NCBP1: variants seen among roughly 807,000 people sequenced by gnomAD.
The protein encoded by NCBP1 is nuclear cap binding protein subunit 1.
In NCBP1, 16 loss-of-function variants were observed where a neutral mutation model predicts 111.7. The observed-to-expected ratio is 0.14, with a 90% CI of 0.10 to 0.22. NCBP1 has a LOEUF of 0.22. NCBP1 is among the 10% of genes least tolerant of loss of function. The pLI is 1.00. For synonymous variants in NCBP1, 304 were observed against 314.3 expected (o/e 0.97, Z 0.35); for missense variants, 607 against 957.5 (o/e 0.63, Z 4.83).
intron 20 of NCBP1, 143 bp downstream of exon 20, chr9:97,667,020 A>T (rs1828025078): frequency 1.7e-6 from 1 of 595,598 alleles, no homozygotes; most frequent in Admixed American, 3.5e-5. Flanking sequence ...AGCCCAATTT[A>T]ATGCAGAAGC....
intron 6 of NCBP1, among the ~76,000 whole-genome samples, chr9:97,646,859 AAAAG>A (rs1219096952): frequency 6.7e-6 from 1 of 148,714 alleles, no homozygotes; most frequent in Non-Finnish European, 1.5e-5. Context: ...AAAAAAAAAA[AAAAG>A]AATCGTGTGT....
intron 16 of NCBP1, among the ~76,000 whole-genome samples, chr9:97,661,498 T>C (rs1409402551): frequency 2.0e-5 from 3 of 152,152 alleles, no homozygotes; most frequent in African/African-American, 7.2e-5. Context: ...AGTGGGAAAA[T>C]TGACAAAATA....
At chr9:97,668,672 AACC>A (rs1236043139) in intron 20 of NCBP1, among the ~76,000 whole-genome samples, 171 bp from the exon 21 acceptor site, 7 of 152,114 alleles carry the variant, frequency 4.6e-5, no homozygotes, top group Non-Finnish European at 7.3e-5. Context: ...AGTGTCTCTG[AACC>A]ACAACAGGAC....
intron 4 of NCBP1, among the ~76,000 whole-genome samples, chr9:97,643,969 C>A (rs1827268991): frequency 6.6e-6 from 1 of 152,104 alleles, no homozygotes; most frequent in African/African-American, 2.4e-5. Flanking sequence ...GTTAAAAAAA[C>A]CTTAGTTCCT....
At chr9:97,670,440 T>C (rs1381687208) in intron 22 of NCBP1, among the ~76,000 whole-genome samples, 1 of 152,218 alleles carries the variant, frequency 6.6e-6, no homozygotes, top group African/African-American at 2.4e-5. Flanking sequence ...GTTAAAGGTA[T>C]ATAGGAGAGT....
At chr9:97,637,075 G>A (rs1827062875) in intron 1 of NCBP1, among the ~76,000 whole-genome samples, 1 of 152,146 alleles carries the variant, frequency 6.6e-6, no homozygotes, top group Non-Finnish European at 1.5e-5. Context: ...TGCTGGAGCA[G>A]AGTGAGTGAG....
chr9:97,670,363 C>T (rs1457250948), intron 22 of NCBP1, among the ~76,000 whole-genome samples: 2 of 152,304 alleles, frequency 1.3e-5, no homozygotes, highest in East Asian at 3.9e-4. Context: ...TCCACAGAAT[C>T]AAGGTAAGCT....
At position 97,650,618 on chromosome 9, in the gene NCBP1, G is replaced by A; in HGVS notation, c.995+18G>A. 6.3e-7 allele frequency: 1 copy of A among 1,599,918 alleles called. No homozygotes were observed. The highest frequency in any genetic ancestry group is 8.6e-7 in the Non-Finnish European group (1 of 1,168,960). ...AAGACTTGGTAAGATTCTTTTCATG[G>A]TACTTTTAGAAGGGAGAGAAGCAGC... is the stretch of plus-strand genomic sequence containing the variant. On this transcript the variant is annotated intron_variant, in intron 9 of 22. Coordinates refer to ENST00000375147, the MANE Select transcript of NCBP1 (RefSeq NM_002486.5).
At chr9:97,653,321 G>A (rs1458482698) in intron 10 of NCBP1, among the ~76,000 whole-genome samples, 4 of 151,942 alleles carry the variant, frequency 2.6e-5, no homozygotes, top group South Asian at 2.1e-4. Context: ...GAGTTTCACC[G>A]TGTTGGCCAG....
intron 20 of NCBP1, 151 bp from the exon 21 acceptor site, chr9:97,668,695 T>G: frequency 1.4e-6 from 1 of 739,178 alleles, no homozygotes; most frequent in Non-Finnish European, 2.1e-6. Context: ...CTTTGAGGTA[T>G]ATATGTGTGG....
chr9:97,642,616 G>A (rs760900824), intron 3 of NCBP1, among the ~76,000 whole-genome samples: 5 of 152,006 alleles, frequency 3.3e-5, no homozygotes, highest in Non-Finnish European at 5.9e-5. Flanking sequence ...CAACTGAGAC[G>A]TAAACAAATC....
chr9:97,659,421 G>C (rs950940132), intron 15 of NCBP1, among the ~76,000 whole-genome samples: 2 of 152,082 alleles, frequency 1.3e-5, no homozygotes, highest in Non-Finnish European at 2.9e-5. Context: ...TTCATACTGT[G>C]TGCCTGTTTC....
chr9:97,670,524 G>A (rs933170768), intron 22 of NCBP1, among the ~76,000 whole-genome samples: 5 of 151,130 alleles, frequency 3.3e-5, no homozygotes, highest in African/African-American at 1.2e-4. Flanking sequence ...AATGATTAAT[G>A]TAGAAGTCAC....
rs1243217757 is a variant in NCBP1 at position 97,671,257 on chromosome 9, T to G, written c.*58T>G. The G allele has an allele frequency of 1.6e-6, 2 of 1,277,534 alleles. No homozygotes were observed. The highest frequency in any genetic ancestry group is 2.3e-5 in the East Asian group (1 of 42,728). The allele number at this position is 1,277,534 out of a possible 1,614,324, so 79.1% of individuals were successfully genotyped here. A position where few individuals can be genotyped will look rare whatever the true frequency, so the allele number is the denominator to read the frequency against. ...TGATATCTTAAAATAATTTGTCTTATTTTTTGATGGTTTGAATGCTTGCTT... is the reference window on the plus strand; with the variant it reads ...TGATATCTTAAAATAATTTGTCTTAGTTTTTGATGGTTTGAATGCTTGCTT... On this transcript the variant is annotated 3_prime_UTR_variant, in exon 23 of 23. Transcript: ENST00000375147.
At chr9:97,667,120 G>C (rs1452859085) in intron 20 of NCBP1, among the ~76,000 whole-genome samples, 1 of 152,160 alleles carries the variant, frequency 6.6e-6, no homozygotes, top group Non-Finnish European at 1.5e-5. Flanking sequence ...ACTTCCCATA[G>C]TTCACTATCT....
At chr9:97,650,471 C>T (rs764465459) in intron 8 of NCBP1, 32 bp from the exon 9 acceptor site, 41 of 1,490,532 alleles carry the variant, frequency 2.8e-5, no homozygotes, top group Non-Finnish European at 3.8e-5. Flanking sequence ...GTTTTCTAGG[C>T]CTGTAGTGTA....
In NCBP1 at chr9:97,664,429, T is replaced by C. The variant is rs757095261; in HGVS notation, c.1887T>C (p.Ser629=). 1.1e-5 allele frequency: 17 copies of C among 1,604,552 alleles called. No individual in the cohort carries two copies. The highest frequency in any genetic ancestry group is 1.4e-5 in the Non-Finnish European group (16 of 1,171,516). ...VANWIFSSEL[S]RDFTRLFVWE... ...ATTGGATCTTCTCTTCAGAACTATC[T>C]CGTGACTTTACCAGGTAATATAAAT... is the stretch of plus-strand genomic sequence containing the variant. Residue 629 remains serine, a synonymous_variant, in exon 19 of 23, where the codon TCT becomes TCC. Transcript: ENST00000375147.
chr9:97,656,142 C>T, intron 14 of NCBP1, 57 bp downstream of exon 14: 1 of 1,356,454 alleles, frequency 7.4e-7, no homozygotes, highest in Non-Finnish European at 1.1e-6. Flanking sequence ...TTTCTCTTCT[C>T]TGCACTTGTG....
chr9:97,653,769 T>C (rs367559590), intron 10 of NCBP1, 29 bp from the exon 11 acceptor site: 4 of 1,557,852 alleles, frequency 2.6e-6, no homozygotes, highest in Non-Finnish European at 3.5e-6. Flanking sequence ...AGCAGTTGGA[T>C]TGAATTGTGA....
Sources: allele counts gnomAD v4.1 joint callset (sites outside exome capture counted in the v4.1 genomes callset), GRCh38; gene constraint gnomAD v4.1.1; transcripts MANE v1.5; gene names NCBI Gene and HGNC (gene_info 2026-07-23, HGNC 2026-07-21).